The following KIF13A variants were observed in gnomAD, a reference collection of about 807,000 sequenced individuals.
The protein encoded by KIF13A is kinesin-like protein KIF13A.
In KIF13A, 79 loss-of-function variants were observed where a neutral mutation model predicts 212.2. That is an observed-to-expected ratio of 0.37 (90% confidence interval 0.31 to 0.45). KIF13A has a LOEUF of 0.45. Ranked by LOEUF, KIF13A falls within the 20% of genes least tolerant of loss-of-function variation. The pLI, the probability that KIF13A is intolerant of heterozygous loss-of-function variation, is 1.00. For missense variants in KIF13A, 1,901 were observed against 2,209.0 expected, an observed-to-expected ratio of 0.86 and a Z score of 2.79; for synonymous variants, 789 against 808.6, an observed-to-expected ratio of 0.98 and a Z score of 0.41.
intron 31 of KIF13A, among the ~76,000 whole-genome samples, chr6:17,780,132 G>A (rs1760427667): frequency 6.6e-6 from 1 of 152,192 alleles, no homozygotes; most frequent in Admixed American, 6.5e-5. Flanking sequence ...AGAAAAAACT[G>A]AAGCTAAGAA....
At chr6:17,869,599 T>A (rs926240435) in intron 4 of KIF13A, among the ~76,000 whole-genome samples, 4 of 151,532 alleles carry the variant, frequency 2.6e-5, no homozygotes, top group Non-Finnish European at 5.9e-5. Flanking sequence ...GAGCCCATAT[T>A]CTTCAACTGC....
chr6:17,867,131 C>T (rs934068392), intron 4 of KIF13A, among the ~76,000 whole-genome samples: 1 of 151,938 alleles, frequency 6.6e-6, no homozygotes, highest in Non-Finnish European at 1.5e-5. Context: ...TGCTCCTAAA[C>T]TGTTCTATGT....
At chr6:17,860,072 G>C (rs2150412421) in intron 4 of KIF13A, among the ~76,000 whole-genome samples, 1 of 152,226 alleles carries the variant, frequency 6.6e-6, no homozygotes, top group Admixed American at 6.5e-5. Context: ...CTACTGTCAA[G>C]GCTGATTCCA....
chr6:17,770,904 CTT>C, intron 38 of KIF13A: 1 of 540,030 alleles, frequency 1.9e-6, no homozygotes, highest in East Asian at 3.5e-5. Flanking sequence ...TCTAAGCAAA[CTT>C]AAGCAAAAAA....
intron 2 of KIF13A, among the ~76,000 whole-genome samples, chr6:17,911,809 A>C (rs1019320447): frequency 6.6e-6 from 1 of 151,500 alleles, no homozygotes; most frequent in African/African-American, 2.4e-5. Context: ...ATGTAGCCCA[A>C]GCTGGAGTAC....
At chr6:17,946,180 C>G (rs932985444) in intron 2 of KIF13A, among the ~76,000 whole-genome samples, 2 of 151,924 alleles carry the variant, frequency 1.3e-5, no homozygotes, top group African/African-American at 4.8e-5. Flanking sequence ...GATCTTGAAC[C>G]CCTGGGCTCA....
At chr6:17,791,989 G>C (rs553507053) in intron 25 of KIF13A, among the ~76,000 whole-genome samples, 1 of 151,188 alleles carries the variant, frequency 6.6e-6, no homozygotes, top group Non-Finnish European at 1.5e-5. Flanking sequence ...GGATCATGAG[G>C]TCAGGAGTTC....
At chr6:17,833,893 C>T (rs925720246) in intron 12 of KIF13A, 68 bp downstream of exon 12, 1 of 716,364 alleles carries the variant, frequency 1.4e-6, no homozygotes, top group Non-Finnish European at 2.1e-6. Flanking sequence ...AAGATGACAG[C>T]AAACTACACA....
At position 17,787,529 on chromosome 6, in the gene KIF13A, T is replaced by A. The variant is rs1349815375; in HGVS notation, c.3361+247A>T. The stretch of plus-strand genomic sequence containing the variant: ...AGCCAGGAGTGGTAGCTTGTGCCTG[T>A]GGTCTCAGCTACTCAGGAGGCTGAG... On this transcript the variant is annotated intron_variant, in intron 27 of 38. Transcript: ENST00000259711. This position sits in a 1 kb window ranked among gnomAD's most constrained non-coding sequence, Gnocchi z 4.6. 6.6e-6 allele frequency among the ~76,000 whole-genome samples: 1 copy of A among 152,242 alleles called. No individual in the cohort carries two copies. Among genetic ancestry groups the A allele is most frequent in the Non-Finnish European group, 1.5e-5 (1 of 68,018 alleles).
At position 17,764,335 on chromosome 6, in the gene KIF13A, T is replaced by C; in HGVS notation, c.5193A>G (p.Glu1731=). 6.2e-7 allele frequency: 1 copy of C among 1,614,006 alleles called. No individual in the cohort carries two copies. Among genetic ancestry groups the C allele is most frequent in the South Asian group, 1.1e-5 (1 of 91,086 alleles). ...VTVEHTTNIL[E]DHSFTEFMGV... ...CCATAAATTCTGTGAAAGAATGGTCTTCAAGGATGTTGGTGGTGTGTTCTA... is the reference window on the plus strand; with the variant it reads ...CCATAAATTCTGTGAAAGAATGGTCCTCAAGGATGTTGGTGGTGTGTTCTA... Residue 1731 remains glutamate (E), a synonymous_variant, in exon 39 of 39, where the codon GAA becomes GAG. Transcript: ENST00000259711. This position sits in a 1 kb window ranked among gnomAD's most constrained non-coding sequence, Gnocchi z 5.1.
chr6:17,808,673 C>G, intron 18 of KIF13A, 95 bp downstream of exon 18: 1 of 1,122,162 alleles, frequency 8.9e-7, no homozygotes, highest in Non-Finnish European at 1.2e-6. Context: ...ATATCAGGAT[C>G]TCCTCAGGCA....
chr6:17,908,664 T>A (rs746032639), intron 2 of KIF13A, among the ~76,000 whole-genome samples: 1 of 151,646 alleles, frequency 6.6e-6, no homozygotes, highest in South Asian at 2.1e-4. Context: ...CTAATCCTGA[T>A]ATGCCTTCTT....
At chr6:17,889,787 CT>C (rs1386078670) in intron 3 of KIF13A, among the ~76,000 whole-genome samples, 4 of 152,152 alleles carry the variant, frequency 2.6e-5, no homozygotes, top group African/African-American at 9.7e-5. Context: ...AGCTCTCCCC[CT>C]GGACGGTTTA....
chr6:17,936,570 G>C (rs1487840180), intron 2 of KIF13A, among the ~76,000 whole-genome samples: 1 of 152,220 alleles, frequency 6.6e-6, no homozygotes, highest in Non-Finnish European at 1.5e-5. Context: ...GAGGCAGAGA[G>C]AGTTTGCAGG....
intron 2 of KIF13A, among the ~76,000 whole-genome samples, chr6:17,964,069 G>C (rs929283927): frequency 6.6e-6 from 1 of 152,164 alleles, no homozygotes; most frequent in Non-Finnish European, 1.5e-5. Flanking sequence ...AGTGAGCTAT[G>C]ATGATGCCAC....
intron 4 of KIF13A, among the ~76,000 whole-genome samples, chr6:17,866,835 A>G (rs1354821347): frequency 2.3e-3 from 22 of 9,426 alleles, no homozygotes; most frequent in Non-Finnish European, 5.1e-3. Context: ...GCGCATATAT[A>G]TATATATATA....
Position 17,967,212 on chromosome 6 carries a change from T to A in KIF13A, c.146+19842A>T, listed in dbSNP as rs1779405496. ...TTCAGCTGAACCTAGTGCTGTAAAT[T>A]TTTAGATAGTGCTACCGCCTCAAGG... is the stretch of plus-strand genomic sequence containing the variant. On this transcript the variant is annotated intron_variant, in intron 2 of 38. Transcript: ENST00000259711. The surrounding 1 kb of genome is among the most constrained non-coding windows in gnomAD (Gnocchi z 4.1). Among the ~76,000 whole-genome samples, 1 of 152,214 alleles carries A rather than the reference T, an allele frequency of 6.6e-6. No homozygotes were observed. The highest frequency in any genetic ancestry group is 1.5e-5 in the Non-Finnish European group (1 of 68,048).
chr6:17,924,069 T>C (rs1775300641), intron 2 of KIF13A, among the ~76,000 whole-genome samples: 1 of 152,210 alleles, frequency 6.6e-6, no homozygotes, highest in Non-Finnish European at 1.5e-5. Context: ...AATACATATG[T>C]ACAAGACTCT....
At position 17,982,907 on chromosome 6, in the gene KIF13A, A is replaced by G. The variant is rs1561837519; in HGVS notation, c.146+4147T>C. 6.6e-6 allele frequency among the ~76,000 whole-genome samples: 1 copy of G among 152,152 alleles called. No homozygotes were observed. ...CAAAGGGGGCCAGGCGTGGTGGCTC[A>G]CGCCTGTAATCCCAGCACTTTGGGA... On this transcript the variant is annotated intron_variant, in intron 2 of 38. Coordinates refer to ENST00000259711, the MANE Select transcript of KIF13A (RefSeq NM_022113.6). The surrounding 1 kb of genome is among the most constrained non-coding windows in gnomAD (Gnocchi z 5.1).
Sources: allele counts gnomAD v4.1 joint callset (sites outside exome capture counted in the v4.1 genomes callset), GRCh38; gene constraint gnomAD v4.1.1; non-coding constraint Gnocchi (gnomAD v3.1); transcripts MANE v1.5; gene names NCBI Gene and HGNC (gene_info 2026-07-23, HGNC 2026-07-21).